METTL15: variants seen among roughly 807,000 people sequenced by gnomAD.
METTL15 encodes methyltransferase 15, mitochondrial 12S rRNA N4-cytidine, also known as 12S rRNA N(4)-cytidine methyltransferase METTL15.
Under a neutral mutation model 38.3 loss-of-function variants are expected in METTL15, and 34 were observed. That is an observed-to-expected ratio of 0.89 (90% CI 0.68 to 1.18). METTL15 has a LOEUF of 1.18. METTL15 is among the 50% of genes most tolerant of loss of function. The pLI, the probability that METTL15 is intolerant of heterozygous loss-of-function variation, is 0.00. For synonymous variants in METTL15, 162 were observed against 170.9 expected, an observed-to-expected ratio of 0.95 and a Z score of 0.41; for missense variants, 438 against 498.4, an observed-to-expected ratio of 0.88 and a Z score of 1.15.
chr11:28,470,304 G>T (rs915940399), intron 6 of METTL15, among the ~76,000 whole-genome samples: 1 of 152,130 alleles, frequency 6.6e-6, no homozygotes, highest in Non-Finnish European at 1.5e-5. Context: ...AGAAGTTTTA[G>T]TTGGGCACAA....
At chr11:28,456,888 T>C (rs1038582706) in intron 6 of METTL15, among the ~76,000 whole-genome samples, 1 of 152,228 alleles carries the variant, frequency 6.6e-6, no homozygotes, top group African/African-American at 2.4e-5. Context: ...GATTCTAACC[T>C]GCAAGACCTG....
intron 3 of METTL15, among the ~76,000 whole-genome samples, chr11:28,126,180 T>C (rs530367607): frequency 1.3e-5 from 2 of 152,174 alleles, no homozygotes; most frequent in African/African-American, 4.8e-5. Flanking sequence ...CTGGTTGTTA[T>C]TCAGATGTTA....
intron 3 of METTL15, among the ~76,000 whole-genome samples, chr11:28,166,120 A>C (rs1167420379): frequency 6.6e-6 from 1 of 152,080 alleles, no homozygotes; most frequent in Non-Finnish European, 1.5e-5. Context: ...TTGGCTTTTC[A>C]GGGTCTTTTG....
At chr11:28,227,888 A>G (rs1024431142) in intron 4 of METTL15, among the ~76,000 whole-genome samples, 6 of 151,934 alleles carry the variant, frequency 3.9e-5, no homozygotes, top group Non-Finnish European at 8.8e-5. Flanking sequence ...TGATCATTCT[A>G]TTAGAAATTC....
At chr11:28,289,424 C>A (rs144750134) in intron 4 of METTL15, among the ~76,000 whole-genome samples, 1 of 152,094 alleles carries the variant, frequency 6.6e-6, no homozygotes, top group Non-Finnish European at 1.5e-5. Context: ...CTCACTCTAC[C>A]CACCTTTAGA....
At chr11:28,211,443 T>G (rs1400730621) in intron 4 of METTL15, among the ~76,000 whole-genome samples, 1 of 152,080 alleles carries the variant, frequency 6.6e-6, no homozygotes, top group Non-Finnish European at 1.5e-5. Flanking sequence ...CCTACAAGAT[T>G]GAAAGTGTTT....
chr11:28,272,242 A>G (rs1043022121), intron 4 of METTL15, among the ~76,000 whole-genome samples: 7 of 152,120 alleles, frequency 4.6e-5, no homozygotes, highest in Non-Finnish European at 1.0e-4. Context: ...GATTATAAAT[A>G]ATTCTACTAT....
chr11:28,147,042 G>C (rs1849911406), intron 3 of METTL15, among the ~76,000 whole-genome samples: 1 of 151,886 alleles, frequency 6.6e-6, no homozygotes, highest in South Asian at 2.1e-4. Flanking sequence ...GCTTAAGAGA[G>C]CAAGTATGTT....
chr11:28,381,171 T>C lies in METTL15; in HGVS notation c.*358+19135T>C, dbSNP rs530708698. Among the ~76,000 whole-genome samples the C allele has an allele frequency of 4.6e-5, 7 of 152,218 alleles. No homozygotes were observed. The South Asian group carries it at 1.5e-3, about 32-fold the overall frequency. Reference sequence around the variant, plus strand: ...GCATGTGCTTGGCTAATTTTTATTTTTTATTTTTGTACGGATGGGGTCTTG... The same window carrying C: ...GCATGTGCTTGGCTAATTTTTATTTCTTATTTTTGTACGGATGGGGTCTTG... On this transcript the variant is annotated intron_variant and NMD_transcript_variant, in intron 5 of 7. Coordinates refer to the METTL15 transcript ENST00000532947.
At chr11:28,293,374 G>A (rs1465328012) in intron 5 of METTL15, among the ~76,000 whole-genome samples, 7 of 151,598 alleles carry the variant, frequency 4.6e-5, no homozygotes, top group South Asian at 2.1e-4. Flanking sequence ...GTAGATATGC[G>A]GCGTTATTTC....
chr11:28,412,590 A>G (rs1302590759), intron 5 of METTL15, among the ~76,000 whole-genome samples: 2 of 152,052 alleles, frequency 1.3e-5, no homozygotes, highest in African/African-American at 2.4e-5. Context: ...TTGCCACAAT[A>G]TGGCTGGAAC....
chr11:28,464,138 G>T (rs1851237820), intron 6 of METTL15, among the ~76,000 whole-genome samples: 1 of 152,196 alleles, frequency 6.6e-6, no homozygotes, highest in Admixed American at 6.5e-5. Context: ...CACTTCAGTT[G>T]TGGTAAGATG....
At chr11:28,487,173 T>C (rs1431689515) in intron 6 of METTL15, among the ~76,000 whole-genome samples, 1 of 152,154 alleles carries the variant, frequency 6.6e-6, no homozygotes, top group Non-Finnish European at 1.5e-5. Context: ...AAAAGGCACA[T>C]ACCTTCTGAA....
At chr11:28,339,509 G>A (rs1251869813) in intron 3 of METTL15, among the ~76,000 whole-genome samples, 2 of 148,564 alleles carry the variant, frequency 1.3e-5, no homozygotes, top group African/African-American at 5.0e-5. Context: ...CTAGAGTAAA[G>A]CATAATGAGA....
chr11:28,447,449 AC>A (rs1430066013), intron 6 of METTL15, among the ~76,000 whole-genome samples: 1 of 152,184 alleles, frequency 6.6e-6, no homozygotes, highest in Non-Finnish European at 1.5e-5. Context: ...CTCATTTGTT[AC>A]TAATTCATCA....
intron 4 of METTL15, among the ~76,000 whole-genome samples, chr11:28,262,662 A>G (rs1348533065): frequency 6.6e-6 from 1 of 152,160 alleles, no homozygotes; most frequent in Non-Finnish European, 1.5e-5. Flanking sequence ...TACTTGCCAT[A>G]TTCTTTAGGG....
At chr11:28,166,138 A>G (rs548614754) in intron 3 of METTL15, among the ~76,000 whole-genome samples, 11 of 152,272 alleles carry the variant, frequency 7.2e-5, no homozygotes, top group Admixed American at 5.9e-4. Flanking sequence ...TTGTGGTTAC[A>G]TATGAATTTA....
intron 6 of METTL15, among the ~76,000 whole-genome samples, chr11:28,425,186 A>G (rs1217506164): frequency 6.6e-6 from 1 of 152,184 alleles, no homozygotes; most frequent in East Asian, 1.9e-4. Context: ...AAGAGCAAGA[A>G]TTGGTTTTCT....
At chr11:28,296,480 T>G (rs1488973861) in intron 5 of METTL15, among the ~76,000 whole-genome samples, 1 of 152,164 alleles carries the variant, frequency 6.6e-6, no homozygotes, top group Non-Finnish European at 1.5e-5. Flanking sequence ...AAATAAAAAT[T>G]TCTTTGTGAA....
Sources: allele counts gnomAD v4.1 joint callset (sites outside exome capture counted in the v4.1 genomes callset), GRCh38; gene constraint gnomAD v4.1.1; transcripts MANE v1.5; gene names NCBI Gene and HGNC (gene_info 2026-07-23, HGNC 2026-07-21).